The following NEK6 variants were observed in gnomAD, a reference collection of about 807,000 sequenced individuals.
NEK6 encodes the protein serine/threonine-protein kinase Nek6.
A neutral mutation model predicts 43.5 loss-of-function variants in NEK6; 27 were observed. The ratio of observed to expected loss-of-function variants is 0.62; its 90% CI spans 0.46 to 0.86. The LOEUF (loss-of-function observed/expected upper bound fraction) is 0.86, where lower values mean the gene tolerates loss of function less well. NEK6 is among the 40% of genes least tolerant of loss of function. The pLI, the probability that NEK6 is intolerant of heterozygous loss-of-function variation, is 0.00. For synonymous variants in NEK6, 167 were observed against 164.1 expected (o/e 1.02, Z -0.14); for missense variants, 318 against 414.4 (o/e 0.77, Z 2.02).
chr9:124,306,910 C>T (rs1018274631), intron 2 of NEK6, among the ~76,000 whole-genome samples: 2 of 152,190 alleles, frequency 1.3e-5, no homozygotes, highest in Non-Finnish European at 2.9e-5. Flanking sequence ...TAAGAAATGT[C>T]ATCCTGATGA....
intron 2 of NEK6, among the ~76,000 whole-genome samples, chr9:124,304,510 G>A (rs994717044): frequency 3.3e-5 from 5 of 152,150 alleles, no homozygotes; most frequent in African/African-American, 4.8e-5. Flanking sequence ...CTCATGAGGC[G>A]GCTGTGAAGA....
At chr9:124,314,140 G>A (rs572343956) in intron 4 of NEK6, among the ~76,000 whole-genome samples, 155 bp downstream of exon 4, 24 of 152,310 alleles carry the variant, frequency 1.6e-4, no homozygotes, top group African/African-American at 5.3e-4. Context: ...AGCGGCTAGT[G>A]AGTTTTCTCC....
chr9:124,303,824 C>G (rs1833118056), intron 2 of NEK6, among the ~76,000 whole-genome samples: 1 of 152,206 alleles, frequency 6.6e-6, no homozygotes. Context: ...CATATTAAGT[C>G]ATTCACTAAC....
chr9:124,290,102 A>G (rs893913552), intron 1 of NEK6, among the ~76,000 whole-genome samples: 2 of 152,360 alleles, frequency 1.3e-5, no homozygotes, highest in South Asian at 2.1e-4. Context: ...GTCACACCGT[A>G]CGGGTGGTAG....
At position 124,326,287 on chromosome 9, in the gene NEK6, C is replaced by G. The variant is rs747356565; in HGVS notation, c.406-43C>G. ...CCCTGTGGCCACCCACCTCCAAGCC[C>G]GCTCACCCGGGCCTATCCCTCTGCT... On this transcript the variant is annotated intron_variant, in intron 5 of 9. Transcript: ENST00000320246. This position sits in a 1 kb window ranked among gnomAD's most constrained non-coding sequence, Gnocchi z 4.5. 2.0e-6 allele frequency: 3 copies of G among 1,495,010 alleles called. No individual in the cohort carries two copies. The highest frequency in any genetic ancestry group is 2.8e-6 in the Non-Finnish European group (3 of 1,083,012). 92.6% of individuals were successfully genotyped at this position (1,495,010 alleles called of 1,614,324 possible).
chr9:124,273,695 A>C (rs542560889), intron 1 of NEK6, among the ~76,000 whole-genome samples: 2 of 152,342 alleles, frequency 1.3e-5, no homozygotes, highest in South Asian at 4.1e-4. Context: ...CATTTAGGCC[A>C]TTTATTTAAA....
chr9:124,284,213 G>A (rs536884456), intron 1 of NEK6, among the ~76,000 whole-genome samples: 1 of 152,240 alleles, frequency 6.6e-6, no homozygotes, highest in Non-Finnish European at 1.5e-5. Flanking sequence ...GCCAGGTGTG[G>A]TGGTGCATGT....
intron 1 of NEK6, among the ~76,000 whole-genome samples, chr9:124,294,546 A>G (rs1588471371): frequency 6.6e-6 from 1 of 150,890 alleles, no homozygotes; most frequent in Non-Finnish European, 1.5e-5. Context: ...TGGTCCTGGC[A>G]GACAAGTGGG....
At chr9:124,286,421 C>T (rs2119017736) in intron 1 of NEK6, 1 of 152,332 alleles carries the variant, frequency 6.6e-6, no homozygotes, top group Middle Eastern at 3.4e-3. Context: ...AGGGAGGTGG[C>T]CCCACCTGCC....
At chr9:124,270,613 C>G (rs1347092645) in intron 1 of NEK6, among the ~76,000 whole-genome samples, 1 of 152,152 alleles carries the variant, frequency 6.6e-6, no homozygotes, top group African/African-American at 2.4e-5. Flanking sequence ...TGTCTCACTC[C>G]CTGGACACAA....
intron 4 of NEK6, among the ~76,000 whole-genome samples, chr9:124,318,917 C>T (rs1833939349): frequency 6.6e-6 from 1 of 151,830 alleles, no homozygotes; most frequent in Non-Finnish European, 1.5e-5. Context: ...GTGATCCACC[C>T]ACCTTGGCCT....
chr9:124,315,014 G>A (rs978254811), intron 4 of NEK6, among the ~76,000 whole-genome samples: 1 of 152,258 alleles, frequency 6.6e-6, no homozygotes, highest in African/African-American at 2.4e-5. Flanking sequence ...GGGACTGCTG[G>A]TGGCAGGGCT....
At chr9:124,267,721 T>C (rs1281004147) in intron 1 of NEK6, among the ~76,000 whole-genome samples, 1 of 152,246 alleles carries the variant, frequency 6.6e-6, no homozygotes, top group Non-Finnish European at 1.5e-5. Flanking sequence ...CCAGGTTTCA[T>C]GATGCCATTC....
chr9:124,299,117 C>T (rs1272350762), intron 1 of NEK6, among the ~76,000 whole-genome samples: 1 of 152,250 alleles, frequency 6.6e-6, no homozygotes, highest in African/African-American at 2.4e-5. Context: ...GTGACAGGGT[C>T]TAGATTCCAC....
chr9:124,339,275 G>A lies in NEK6; in HGVS notation c.623-296G>A, dbSNP rs944401207. 2.6e-5 allele frequency among the ~76,000 whole-genome samples: 4 copies of A among 151,862 alleles called. No individual in the cohort carries two copies. The South Asian group carries it at 6.2e-4, about 24-fold the overall frequency. ...CTCCCAGAGTGTTGGGATTACAGGC[G>A]TGAGCCATGGCGCCCAGCCTCCCAG... On this transcript the variant is annotated intron_variant, in intron 7 of 9. Coordinates refer to ENST00000320246, the MANE Select transcript of NEK6 (RefSeq NM_014397.6).
intron 7 of NEK6, among the ~76,000 whole-genome samples, chr9:124,336,285 C>T (rs1186134860): frequency 6.6e-6 from 1 of 152,088 alleles, no homozygotes; most frequent in African/African-American, 2.4e-5. Context: ...TAATCAAGTT[C>T]AAAATGTTAA....
intron 8 of NEK6, among the ~76,000 whole-genome samples, chr9:124,345,299 G>A (rs78733513): frequency 0.021 from 3,208 of 152,326 alleles, 48 homozygotes; most frequent in Non-Finnish European, 0.033. Context: ...AATCCGCGCA[G>A]CCCAGAGCTT....
chr9:124,342,485 C>T (rs1208528989), intron 8 of NEK6, among the ~76,000 whole-genome samples: 1 of 152,230 alleles, frequency 6.6e-6, no homozygotes, highest in Non-Finnish European at 1.5e-5. Context: ...AGTGGCCAGC[C>T]CACCTTGTCA....
intron 1 of NEK6, among the ~76,000 whole-genome samples, chr9:124,260,175 C>T (rs538383134): frequency 7.0e-4 from 106 of 152,276 alleles, no homozygotes; most frequent in African/African-American, 2.4e-3. Context: ...GCCTCACAGC[C>T]TTTCCTCTTT....
Sources: allele counts gnomAD v4.1 joint callset (sites outside exome capture counted in the v4.1 genomes callset), GRCh38; gene constraint gnomAD v4.1.1; non-coding constraint Gnocchi (gnomAD v3.1); transcripts MANE v1.5; gene names NCBI Gene and HGNC (gene_info 2026-07-23, HGNC 2026-07-21).